Variants in CACNA1E observed in about 807,000 individuals in gnomAD.
CACNA1E encodes the protein voltage-dependent R-type calcium channel subunit alpha-1E.
In CACNA1E, 40 loss-of-function variants were observed where a neutral mutation model predicts 259.2. The ratio of observed to expected loss-of-function variants is 0.15; its 90% CI spans 0.12 to 0.20. The LOEUF (loss-of-function observed/expected upper bound fraction) is 0.20, where lower values mean the gene tolerates loss of function less well. Among genes scored for constraint, CACNA1E ranks in the 10% least tolerant of loss-of-function variants. The pLI, the probability that CACNA1E is intolerant of heterozygous loss-of-function variation, is 1.00. For missense variants in CACNA1E, 1,874 were observed against 3,040.1 expected, an observed-to-expected ratio of 0.62 and a Z score of 9.02; for synonymous variants, 1,104 against 1,138.5, an observed-to-expected ratio of 0.97 and a Z score of 0.61.
chr1:181,555,048 T>G (rs988055102), intron 3 of CACNA1E, among the ~76,000 whole-genome samples: 2 of 152,234 alleles, frequency 1.3e-5, no homozygotes, highest in African/African-American at 4.8e-5. Flanking sequence ...GGAGAATGTT[T>G]GTGTAAAAGT....
At chr1:181,403,341 G>A (rs2102096181) in intron 1 of CACNA1E, among the ~76,000 whole-genome samples, 1 of 151,466 alleles carries the variant, frequency 6.6e-6, no homozygotes, top group Non-Finnish European at 1.5e-5. Flanking sequence ...TGGTGGTGGA[G>A]GTGGTGTCTA....
chr1:181,718,642 A>G (rs1385046316), intron 12 of CACNA1E, among the ~76,000 whole-genome samples: 1 of 151,350 alleles, frequency 6.6e-6, no homozygotes, highest in Non-Finnish European at 1.5e-5. Flanking sequence ...ACACACACAC[A>G]CACACACACA....
At chr1:181,414,199 G>A (rs975795884) in intron 2 of CACNA1E, among the ~76,000 whole-genome samples, 1 of 152,216 alleles carries the variant, frequency 6.6e-6, no homozygotes, top group Non-Finnish European at 1.5e-5. Flanking sequence ...AATTCTCTCG[G>A]TTGCCCCAGG....
intron 16 of CACNA1E, 113 bp downstream of exon 16, chr1:181,721,988 C>A: frequency 1.4e-6 from 1 of 715,078 alleles, no homozygotes; most frequent in Non-Finnish European, 2.6e-6. Context: ...GGGGCGTGGA[C>A]ATTGTTTGGT....
intron 3 of CACNA1E, among the ~76,000 whole-genome samples, chr1:181,546,176 C>T (rs1647443244): frequency 6.6e-6 from 1 of 152,142 alleles, no homozygotes; most frequent in Non-Finnish European, 1.5e-5. Flanking sequence ...ACAGCAGTCT[C>T]AGGCCAGTTG....
intron 3 of CACNA1E, among the ~76,000 whole-genome samples, chr1:181,537,095 C>CTTT (rs201514362): frequency 4.6e-4 from 52 of 112,628 alleles, no homozygotes; most frequent in African/African-American, 6.0e-4. Flanking sequence ...TTTTTCTTTT[C>CTTT]TTTTTTTTTT....
chr1:181,348,715 T>A (rs981637811), intron 1 of CACNA1E, among the ~76,000 whole-genome samples: 1 of 152,224 alleles, frequency 6.6e-6, no homozygotes, highest in Admixed American at 6.5e-5. Context: ...TCCTTTCTCC[T>A]CTTAAATGCT....
At chr1:181,409,937 G>A (rs936000208) in intron 1 of CACNA1E, among the ~76,000 whole-genome samples, 1 of 152,160 alleles carries the variant, frequency 6.6e-6, no homozygotes, top group African/African-American at 2.4e-5. Flanking sequence ...TGTAAGGAGA[G>A]AGGGTGGGAT....
At chr1:181,438,639 T>C (rs1434020821) in intron 2 of CACNA1E, among the ~76,000 whole-genome samples, 1 of 152,238 alleles carries the variant, frequency 6.6e-6, no homozygotes, top group Non-Finnish European at 1.5e-5. Context: ...AGGAGAAATT[T>C]ATTTATACCC....
chr1:181,751,177 T>C (rs565111346), intron 26 of CACNA1E, among the ~76,000 whole-genome samples: 2 of 152,228 alleles, frequency 1.3e-5, no homozygotes, highest in Non-Finnish European at 2.9e-5. Flanking sequence ...GTTTTATAAA[T>C]GACAACTATT....
chr1:181,723,077 T>C (rs1385349496), intron 16 of CACNA1E, among the ~76,000 whole-genome samples: 1 of 152,212 alleles, frequency 6.6e-6, no homozygotes, highest in Non-Finnish European at 1.5e-5. Context: ...AGGAATAGAT[T>C]TCATAGTGAA....
chr1:181,497,856 C>G (rs1664897627), intron 1 of CACNA1E, among the ~76,000 whole-genome samples: 1 of 152,192 alleles, frequency 6.6e-6, no homozygotes, highest in South Asian at 2.1e-4. Context: ...GGAAGAAGAG[C>G]AACTATCTCT....
chr1:181,587,022 G>C (rs1232229431), intron 6 of CACNA1E, among the ~76,000 whole-genome samples: 2 of 152,138 alleles, frequency 1.3e-5, no homozygotes, highest in East Asian at 1.9e-4. Context: ...GGGAGGTCTA[G>C]ACCACAGATG....
At position 181,798,445 on chromosome 1, in the gene CACNA1E, C is replaced by T. The variant is rs548645440; in HGVS notation, c.6553C>T (p.Pro2185Ser). 21 of 1,613,864 alleles carry T rather than the reference C, an allele frequency of 1.3e-5. No homozygotes were observed. Among genetic ancestry groups the T allele is most frequent in the South Asian group, 3.3e-5 (3 of 91,088 alleles). Residue 2185 changes from proline (P) to serine (S), a missense_variant, in exon 48 of 48, where the codon CCT (proline) becomes TCT (serine). Pro to Ser is a moderately conservative substitution (Grantham distance 74). Transcript: ENST00000367573. This position sits in a 1 kb window ranked among gnomAD's most constrained non-coding sequence, Gnocchi z 4.2. Reference sequence around the variant, plus strand: ...TCGACACGCGGGCAGCATCTCTCCACCTGCTGATGGAAGCGAGGAGGGCTC... The same window carrying T: ...TCGACACGCGGGCAGCATCTCTCCATCTGCTGATGGAAGCGAGGAGGGCTC... The part of the protein sequence containing the change: ...LIRHAGSISP[P>S]ADGSEEGSPL...
At chr1:181,711,205 T>C (rs1024272661) in intron 8 of CACNA1E, 136 bp downstream of exon 8, 6 of 651,126 alleles carry the variant, frequency 9.2e-6, no homozygotes, top group African/African-American at 1.8e-5. Flanking sequence ...GGTTGGCTCT[T>C]AAGGTTCCCT....
At chr1:181,387,105 ATGTC>A (rs1264972714) in intron 1 of CACNA1E, among the ~76,000 whole-genome samples, 2 of 151,494 alleles carry the variant, frequency 1.3e-5, no homozygotes, top group Non-Finnish European at 2.9e-5. Flanking sequence ...TACACAGGGG[ATGTC>A]TGTCCTTGAG....
chr1:181,616,137 T>C (rs1466200230), intron 6 of CACNA1E, among the ~76,000 whole-genome samples: 1 of 152,196 alleles, frequency 6.6e-6, no homozygotes, highest in African/African-American at 2.4e-5. Context: ...GTTTTCACAA[T>C]AGAAACTGGC....
chr1:181,570,743 A>G (rs1650325032), intron 3 of CACNA1E, among the ~76,000 whole-genome samples: 1 of 152,014 alleles, frequency 6.6e-6, no homozygotes, highest in Non-Finnish European at 1.5e-5. Flanking sequence ...TCTCTAGTCA[A>G]TCTTCTGCCT....
rs747316630 is a variant in CACNA1E at position 181,777,591 on chromosome 1, AGAG to A, written c.5267+1367_5267+1369del. Reference sequence around the variant, plus strand: ...CTTAGAAAGCAATGGGCAGTGTGTTAGAGGAGAAGGCAGCCAGGCCTGCGTGTC... The same window carrying A: ...CTTAGAAAGCAATGGGCAGTGTGTTAGAGAAGGCAGCCAGGCCTGCGTGTC... On this transcript the variant is annotated intron_variant, in intron 38 of 47. Transcript: ENST00000367573. Among the ~76,000 whole-genome samples, 5 of 152,338 alleles carry A rather than the reference AGAG, an allele frequency of 3.3e-5. No homozygotes were observed. The East Asian group carries it at 5.8e-4, about 18-fold the overall frequency.
Sources: gnomAD v4.1 joint callset for allele counts (sites outside exome capture counted in the v4.1 genomes callset) on GRCh38, gnomAD v4.1.1 for gene constraint, Gnocchi (gnomAD v3.1) non-coding constraint, MANE v1.5 for transcripts, NCBI Gene and HGNC (gene_info 2026-07-23, HGNC 2026-07-21) for gene names.